RECK: variants seen among roughly 807,000 people sequenced by gnomAD.
RECK encodes reversion inducing cysteine rich protein with kazal motifs.
A neutral mutation model predicts 115.1 loss-of-function variants in RECK; 69 were observed. The ratio of observed to expected loss-of-function variants is 0.60; its 90% confidence interval spans 0.49 to 0.73. The LOEUF is 0.73. Among genes scored for constraint, RECK ranks in the 30% least tolerant of loss-of-function variants. RECK has a pLI of 0.00. For synonymous variants in RECK, 414 were observed against 419.7 expected, an observed-to-expected ratio of 0.99 and a Z score of 0.17; for missense variants, 1,047 against 1,203.7, an observed-to-expected ratio of 0.87 and a Z score of 1.93.
rs141528795 is a variant in RECK at position 36,118,781 on chromosome 9, G to A, written c.2278G>A (p.Val760Ile). 1.5e-5 allele frequency: 24 copies of A among 1,614,090 alleles called. No homozygotes were observed. Among genetic ancestry groups the A allele is most frequent in the South Asian group, 4.4e-5 (4 of 91,086 alleles). ...CQPFCRATEP[V>I]CGHNGETYSS... The stretch of plus-strand genomic sequence containing the variant: ...GCCCTTTTGCAGAGCAACCGAGCCC[G>A]TATGTGGGCACAATGGTGAGACCTA... Residue 760 changes from valine to isoleucine, a missense_variant, in exon 18 of 21, where the codon GTA becomes ATA. Transcript: ENST00000377966.
At chr9:36,082,967 C>CCCA (rs1340037944) in intron 7 of RECK, among the ~76,000 whole-genome samples, 2 of 152,198 alleles carry the variant, frequency 1.3e-5, no homozygotes, top group African/African-American at 2.4e-5. Context: ...CAGAAAGACA[C>CCCA]TGCTTCACTG....
At position 36,122,975 on chromosome 9, in the gene RECK, C is replaced by T. The variant is rs1824518894; in HGVS notation, c.2846C>T (p.Pro949Leu). 3.7e-6 allele frequency: 6 copies of T among 1,614,172 alleles called. No homozygotes were observed. The highest frequency in any genetic ancestry group is 5.1e-6 in the Non-Finnish European group (6 of 1,180,040). Residue 949 changes from proline to leucine, a missense_variant, in exon 21 of 21, where the codon CCT becomes CTT. Coordinates refer to ENST00000377966, the MANE Select transcript of RECK (RefSeq NM_021111.3). Reference protein sequence around the residue: ...SVPSAGVRARPSCHSLLLPLS... With the variant: ...SVPSAGVRARLSCHSLLLPLS... ...CCATCGGCCGGTGTCAGGGCCAGGC[C>T]TTCTTGCCACTCCCTCCTCCTTCCC...
intron 17 of RECK, 61 bp downstream of exon 17, chr9:36,117,238 T>C: frequency 7.3e-7 from 1 of 1,365,706 alleles, no homozygotes. Context: ...TATGATATTT[T>C]ACAGATGAAT....
Position 36,078,112 on chromosome 9 carries a change from A to G in RECK, c.406-2493A>G, listed in dbSNP as rs556096236. ...ACTGAATGGGCATGTCTGTCTTCCA[A>G]TAAAAACTTTATTTCCAAAAACAGG... On this transcript the variant is annotated intron_variant, in intron 6 of 20. Transcript: ENST00000377966. Among the ~76,000 whole-genome samples, 26 of 152,400 alleles carry G rather than the reference A, an allele frequency of 1.7e-4. No homozygotes were observed. In the East Asian group the frequency reaches 4.6e-3, roughly 27 times the overall value.
intron 6 of RECK, among the ~76,000 whole-genome samples, chr9:36,066,604 C>T (rs985551149): frequency 3.3e-5 from 5 of 152,054 alleles, no homozygotes; most frequent in East Asian, 1.9e-4. Flanking sequence ...AGCTCTCCTC[C>T]GTTCTTATTG....
At chr9:36,096,650 T>TCCCC (rs1300659052) in intron 10 of RECK, among the ~76,000 whole-genome samples, 3 of 151,940 alleles carry the variant, frequency 2.0e-5, no homozygotes, top group Admixed American at 1.3e-4. Flanking sequence ...TCAACCTGTG[T>TCCCC]TTCACACCCT....
In RECK at chr9:36,043,010, C is replaced by CTTTTTTTTTT. The variant is rs61673918; in HGVS notation, c.100+5933_100+5942dup. On this transcript the variant is annotated intron_variant, in intron 1 of 20. Coordinates refer to ENST00000377966, the MANE Select transcript of RECK (RefSeq NM_021111.3). ...ACTGTCTATTCATGTCCTTAGCCCA[C>CTTTTTTTTTT]TTTTTTTTTTTTTTTTTTTTTTTTT... Among the ~76,000 whole-genome samples, 45 of 59,464 alleles carry CTTTTTTTTTT rather than the reference C, an allele frequency of 7.6e-4. 12 individuals carry two copies. Among genetic ancestry groups the CTTTTTTTTTT allele is most frequent in the African/African-American group, 1.6e-3 (23 of 14,484 alleles). The allele number at this position is 59,464 out of a possible 152,430, so 39.0% of individuals were successfully genotyped here.
intron 14 of RECK, among the ~76,000 whole-genome samples, chr9:36,108,458 A>G (rs1823906051): frequency 6.6e-6 from 1 of 152,176 alleles, no homozygotes; most frequent in African/African-American, 2.4e-5. Flanking sequence ...TTACACTTTG[A>G]TATAGGTAAT....
intron 7 of RECK, among the ~76,000 whole-genome samples, chr9:36,083,157 TTGA>T (rs1405127422): frequency 3.3e-5 from 5 of 152,178 alleles, no homozygotes. Flanking sequence ...AGACTGTAAG[TTGA>T]TGATTAATGA....
intron 14 of RECK, 136 bp downstream of exon 14, chr9:36,108,300 A>G: frequency 1.7e-6 from 1 of 573,844 alleles, no homozygotes; most frequent in Non-Finnish European, 2.9e-6. Context: ...TTCAAACTAT[A>G]CAGAGCACTA....
intron 1 of RECK, among the ~76,000 whole-genome samples, chr9:36,040,382 C>A (rs1249648820): frequency 6.6e-6 from 1 of 151,962 alleles, no homozygotes; most frequent in Non-Finnish European, 1.5e-5. Context: ...GGTGGGTAGT[C>A]TTATGAAAGA....
intron 20 of RECK, 29 bp from the exon 21 acceptor site, chr9:36,122,795 T>C (rs1215086194): frequency 1.3e-6 from 2 of 1,585,634 alleles, no homozygotes; most frequent in Admixed American, 1.7e-5. Context: ...TGTGGTTTTA[T>C]ATTAAGGGAA....
intron 1 of RECK, among the ~76,000 whole-genome samples, chr9:36,048,213 G>A (rs1203951493): frequency 3.4e-5 from 5 of 147,380 alleles, no homozygotes; most frequent in African/African-American, 1.3e-4. Flanking sequence ...CTGAAATGTA[G>A]TATTTTTCCC....
In RECK at chr9:36,094,970, A is replaced by G. The variant is rs1233837685; in HGVS notation, c.1085+3627A>G. ...ACCGCTGTCAGAAGATGAAAATCAT[A>G]AAAAGTATATTTTCTGAACACAACA... On this transcript the variant is annotated intron_variant, in intron 10 of 20. Coordinates refer to ENST00000377966, the MANE Select transcript of RECK (RefSeq NM_021111.3). This position sits in a 1 kb window ranked among gnomAD's most constrained non-coding sequence, Gnocchi z 4.1. 6.6e-6 allele frequency among the ~76,000 whole-genome samples: 1 copy of G among 152,246 alleles called. No individual in the cohort carries two copies. Among genetic ancestry groups the G allele is most frequent in the Admixed American group, 6.5e-5 (1 of 15,280 alleles).
At position 36,083,571 on chromosome 9, in the gene RECK, A is replaced by G. The variant is rs1477777098; in HGVS notation, c.637+9A>G. 3 of 1,610,014 alleles carry G rather than the reference A, an allele frequency of 1.9e-6. No individual in the cohort carries two copies. Among genetic ancestry groups the G allele is most frequent in the African/African-American group, 1.3e-5 (1 of 75,000 alleles). ...GAGGAACCCAACGGATAGTAAGTAAAAGGGACATATTCTTCTCATTTCAAT... is the reference window on the plus strand; with the variant it reads ...GAGGAACCCAACGGATAGTAAGTAAGAGGGACATATTCTTCTCATTTCAAT... On this transcript the variant is annotated intron_variant, in intron 8 of 20. Transcript: ENST00000377966.
Position 36,073,244 on chromosome 9 carries a change from A to C in RECK, c.406-7361A>C, listed in dbSNP as rs867269864. Among the ~76,000 whole-genome samples, 1,045 of 126,070 alleles carry C rather than the reference A, an allele frequency of 8.3e-3. 13 individuals are homozygous for C. The highest frequency in any genetic ancestry group is 0.028 in the African/African-American group (927 of 33,302). 82.7% of individuals were successfully genotyped at this position (126,070 alleles called of 152,430 possible). A position where few individuals can be genotyped will look rare whatever the true frequency, so the allele number is the denominator to read the frequency against. On this transcript the variant is annotated intron_variant, in intron 6 of 20. Coordinates refer to ENST00000377966, the MANE Select transcript of RECK (RefSeq NM_021111.3). ...CAGACACACACAGACACACACAGAC[A>C]CACACACACACACACACACACACAC...
intron 1 of RECK, among the ~76,000 whole-genome samples, chr9:36,046,395 A>C (rs1363545590): frequency 6.6e-6 from 1 of 152,226 alleles, no homozygotes; most frequent in African/African-American, 2.4e-5. Flanking sequence ...ATGGATGTCT[A>C]TTTGTAGACA....
chr9:36,071,932 C>T (rs1822245964), intron 6 of RECK, among the ~76,000 whole-genome samples: 2 of 152,136 alleles, frequency 1.3e-5, no homozygotes, highest in African/African-American at 4.8e-5. Flanking sequence ...GGGATTTTCA[C>T]ATTGTTCAAA....
chr9:36,046,945 A>G (rs982780023), intron 1 of RECK, among the ~76,000 whole-genome samples: 1 of 152,196 alleles, frequency 6.6e-6, no homozygotes, highest in Non-Finnish European at 1.5e-5. Context: ...TAATTATAAC[A>G]CATTTTGTGT....
Sources: allele counts gnomAD v4.1 joint callset (sites outside exome capture counted in the v4.1 genomes callset), GRCh38; gene constraint gnomAD v4.1.1; non-coding constraint Gnocchi (gnomAD v3.1); transcripts MANE v1.5; gene names NCBI Gene and HGNC (gene_info 2026-07-23, HGNC 2026-07-21).